EXOC4: variants seen among roughly 807,000 people sequenced by gnomAD.
EXOC4 encodes SEC8-like 1.
Under a neutral mutation model 107.2 loss-of-function variants are expected in EXOC4, and 71 were observed. The observed-to-expected ratio is 0.66, with a 90% CI of 0.55 to 0.81. The LOEUF (loss-of-function observed/expected upper bound fraction) is 0.81, where lower values mean the gene tolerates loss of function less well. Ranked by LOEUF, EXOC4 falls within the 30% of genes least tolerant of loss-of-function variation. EXOC4 has a pLI of 0.00. For synonymous variants in EXOC4, 456 were observed against 441.2 expected, an observed-to-expected ratio of 1.03 and a Z score of -0.42; for missense variants, 1,108 against 1,189.6, an observed-to-expected ratio of 0.93 and a Z score of 1.01.
At position 133,916,529 on chromosome 7, in the gene EXOC4, A is replaced by T. The variant is rs569153378; in HGVS notation, c.1872-1054A>T. Among the ~76,000 whole-genome samples, 3 of 152,316 alleles carry T rather than the reference A, an allele frequency of 2.0e-5. No homozygotes were observed. In the East Asian group the frequency reaches 5.8e-4, roughly 29 times the overall value. On this transcript the variant is annotated intron_variant, in intron 12 of 17. Transcript: ENST00000253861. The stretch of plus-strand genomic sequence containing the variant: ...AGCAATCCTCCTGCCTCAGTCTGCC[A>T]AAGTGCTGCAGTCATAGATGTGAAC...
At chr7:133,845,332 AGTAGTGT>A (rs1798102244) in intron 11 of EXOC4, among the ~76,000 whole-genome samples, 1 of 139,830 alleles carries the variant, frequency 7.2e-6, no homozygotes, top group Non-Finnish European at 1.5e-5. Context: ...TAGGCAGGTT[AGTAGTGT>A]GTGTGTGTGT....
At chr7:133,925,315 G>T (rs1369341856) in intron 13 of EXOC4, among the ~76,000 whole-genome samples, 1 of 152,110 alleles carries the variant, frequency 6.6e-6, no homozygotes, top group African/African-American at 2.4e-5. Context: ...AATAGGTCAC[G>T]CAAGGGCTTT....
downstream of EXOC4, among the ~76,000 whole-genome samples, chr7:134,068,493 G>A (rs1257970472): frequency 6.8e-6 from 1 of 147,432 alleles, no homozygotes; most frequent in Non-Finnish European, 1.5e-5. Flanking sequence ...GGCCTCCCCA[G>A]CCATGTGGAA....
intron 4 of EXOC4, among the ~76,000 whole-genome samples, chr7:133,309,604 A>G (rs555433152): frequency 1.3e-5 from 2 of 152,290 alleles, no homozygotes; most frequent in African/African-American, 2.4e-5. Flanking sequence ...ACTGACAAAT[A>G]TGTTTTTACA....
At chr7:133,616,202 T>C (rs1226658788) in intron 9 of EXOC4, among the ~76,000 whole-genome samples, 1 of 152,210 alleles carries the variant, frequency 6.6e-6, no homozygotes, top group Non-Finnish European at 1.5e-5. Context: ...AATCATTTTG[T>C]CTTGTTGGAA....
At chr7:133,426,238 A>G (rs1797723746) in intron 7 of EXOC4, among the ~76,000 whole-genome samples, 1 of 152,214 alleles carries the variant, frequency 6.6e-6, no homozygotes, top group African/African-American at 2.4e-5. Context: ...AAGGTTGGTA[A>G]CATCATGCCC....
intron 10 of EXOC4, among the ~76,000 whole-genome samples, chr7:133,778,801 C>T (rs1011178430): frequency 2.0e-5 from 3 of 152,114 alleles, no homozygotes; most frequent in Non-Finnish European, 4.4e-5. Context: ...TCTGTTATGT[C>T]ATTTTTTTTC....
intron 5 of EXOC4, among the ~76,000 whole-genome samples, chr7:133,332,279 A>G (rs1329363824): frequency 1.3e-5 from 2 of 152,130 alleles, no homozygotes; most frequent in African/African-American, 2.4e-5. Flanking sequence ...TTATGCTGCT[A>G]TTTTCTTGAT....
At chr7:133,806,287 G>A (rs1797075623) in intron 10 of EXOC4, among the ~76,000 whole-genome samples, 1 of 152,192 alleles carries the variant, frequency 6.6e-6, no homozygotes, top group African/African-American at 2.4e-5. Context: ...TAGGTAACTG[G>A]AATGATGATG....
intron 6 of EXOC4, among the ~76,000 whole-genome samples, chr7:133,363,051 C>T (rs931352964): frequency 1.3e-5 from 2 of 152,016 alleles, no homozygotes; most frequent in Admixed American, 6.6e-5. Context: ...GTAGTTAATT[C>T]GAATCAAAGC....
chr7:133,628,152 A>G (rs1239833489), intron 9 of EXOC4, among the ~76,000 whole-genome samples: 4 of 152,364 alleles, frequency 2.6e-5, no homozygotes, highest in South Asian at 4.1e-4. Flanking sequence ...AATAGTAGCC[A>G]TCTTTCCTGC....
intron 10 of EXOC4, among the ~76,000 whole-genome samples, chr7:133,757,706 G>T (rs1795948053): frequency 6.6e-6 from 1 of 152,190 alleles, no homozygotes; most frequent in Non-Finnish European, 1.5e-5. Context: ...ATATGTGTTT[G>T]TTCAGTGACC....
intron 14 of EXOC4, among the ~76,000 whole-genome samples, chr7:133,984,390 C>A (rs1380256036): frequency 6.6e-6 from 1 of 152,184 alleles, no homozygotes. Context: ...TGGAACAATT[C>A]TTCCATTTCA....
intron 12 of EXOC4, among the ~76,000 whole-genome samples, chr7:133,896,837 G>GTTTTTTTTTTGTTTTTTTT (rs1554416770): frequency 9.3e-5 from 8 of 85,680 alleles, no homozygotes; most frequent in African/African-American, 6.4e-4. Context: ...GGCTATTTTT[G>GTTTTTTTTTTGTTTTTTTT]TATTTTTAGT....
intron 10 of EXOC4, among the ~76,000 whole-genome samples, chr7:133,654,604 T>C (rs1803242634): frequency 6.6e-6 from 1 of 152,148 alleles, no homozygotes; most frequent in South Asian, 2.1e-4. Context: ...GGTTGTATTA[T>C]CTGCTCCTTC....
chr7:133,582,840 A>G (rs1274728297), intron 9 of EXOC4, among the ~76,000 whole-genome samples: 3 of 152,242 alleles, frequency 2.0e-5, no homozygotes, highest in Non-Finnish European at 2.9e-5. Flanking sequence ...AACAGAAAAA[A>G]GAAATGGAGT....
intron 12 of EXOC4, among the ~76,000 whole-genome samples, chr7:133,907,823 G>GAGGAGGAA (rs1563052904): frequency 1.9e-5 from 1 of 53,732 alleles, no homozygotes; most frequent in African/African-American, 1.4e-4. Context: ...AGAAGGAGGA[G>GAGGAGGAA]GAGGAGGAAG....
At chr7:133,263,935 G>T (rs1274262554) in intron 1 of EXOC4, among the ~76,000 whole-genome samples, 2 of 152,012 alleles carry the variant, frequency 1.3e-5, no homozygotes, top group Non-Finnish European at 2.9e-5. Context: ...GCTTCAATTT[G>T]TATAACCCAG....
chr7:133,719,155 G>A (rs559658441), intron 10 of EXOC4, among the ~76,000 whole-genome samples: 127 of 152,242 alleles, frequency 8.3e-4, no homozygotes, highest in African/African-American at 3.0e-3. Flanking sequence ...AGATCCAATG[G>A]TTTTAAAAAG....
Sources: gnomAD v4.1 joint callset for allele counts (sites outside exome capture counted in the v4.1 genomes callset) on GRCh38, gnomAD v4.1.1 for gene constraint, MANE v1.5 for transcripts, NCBI Gene and HGNC (gene_info 2026-07-23, HGNC 2026-07-21) for gene names.